Variants in ITGAE observed in about 807,000 individuals in gnomAD.
ITGAE encodes the protein integrin subunit alpha E.
ITGAE carries 99 observed loss-of-function variants against 136.5 expected under a neutral mutation model. That is an observed-to-expected ratio of 0.73 (90% CI 0.62 to 0.86). The LOEUF is 0.86. Among genes scored for constraint, ITGAE ranks in the 40% least tolerant of loss-of-function variants. ITGAE has a pLI of 0.00. For missense variants in ITGAE, 1,447 were observed against 1,515.3 expected (o/e 0.95, Z 0.75); for synonymous variants, 613 against 591.8 (o/e 1.04, Z -0.52).
At chr17:3,720,267 AT>A in intron 29 of ITGAE, 39 bp downstream of exon 29, 1 of 977,718 alleles carries the variant, frequency 1.0e-6, no homozygotes, top group Non-Finnish European at 1.7e-6. Flanking sequence ...GTTAGGCACA[AT>A]TTTCCTTGGG....
chr17:3,748,659 G>A (rs1017683371), intron 16 of ITGAE, among the ~76,000 whole-genome samples: 7 of 152,198 alleles, frequency 4.6e-5, no homozygotes, highest in Non-Finnish European at 1.0e-4. Context: ...TGGCGTGGCT[G>A]ATGAGGAGGC....
At position 3,747,939 on chromosome 17, in the gene ITGAE, G is replaced by A. The variant is rs2143017582; in HGVS notation, c.2138C>T (p.Thr713Ile). ...VRLCFEISSV[T>I]TASESGLREA... ...TTTTTTACCTGACTCAGAGGCTGTG[G>A]TTACAGAGCTGATTTCAAAACATAA... The change falls in exon 17 of 31, where the codon ACC becomes ATC. Residue 713 changes from threonine (T) to isoleucine (I), a missense_variant. Transcript: ENST00000263087. 1.2e-6 allele frequency: 2 copies of A among 1,609,778 alleles called. No individual in the cohort carries two copies. Among genetic ancestry groups the A allele is most frequent in the East Asian group, 4.5e-5 (2 of 44,614 alleles).
At chr17:3,762,032 G>C in intron 3 of ITGAE, 50 bp from the exon 4 acceptor site, 4 of 1,536,310 alleles carry the variant, frequency 2.6e-6, no homozygotes, top group Non-Finnish European at 3.6e-6. Flanking sequence ...CTGGGAGGCA[G>C]AGACCCGAAG....
chr17:3,801,018 A>T, intron 1 of ITGAE, 93 bp downstream of exon 1: 1 of 1,436,010 alleles, frequency 7.0e-7, no homozygotes, highest in Admixed American at 1.7e-5. Flanking sequence ...ACTGAGCCCC[A>T]TCAGAGACAG....
At chr17:3,780,650 C>T (rs537586611) in intron 1 of ITGAE, among the ~76,000 whole-genome samples, 1 of 152,110 alleles carries the variant, frequency 6.6e-6, no homozygotes, top group South Asian at 2.1e-4. Context: ...TTAAGCTGGT[C>T]TCGAACTCCC....
intron 3 of ITGAE, among the ~76,000 whole-genome samples, chr17:3,763,476 C>A (rs1446443806): frequency 6.6e-6 from 1 of 152,154 alleles, no homozygotes; most frequent in African/African-American, 2.4e-5. Context: ...AGTTTCGAAT[C>A]AGCCACCAAC....
chr17:3,725,047 AC>A, intron 26 of ITGAE: 1 of 1,614,248 alleles, frequency 6.2e-7, no homozygotes. Context: ...CCCACCCAGG[AC>A]CTGACTCCTT....
intron 24 of ITGAE, 161 bp downstream of exon 24, chr17:3,729,317 A>T: frequency 1.6e-6 from 1 of 620,298 alleles, no homozygotes; most frequent in Non-Finnish European, 3.0e-6. Flanking sequence ...AAATGTTAGC[A>T]CCCTAGAGAT....
chr17:3,720,231 CAG>C (rs2051021185), intron 29 of ITGAE, 74 bp downstream of exon 29: 1 of 720,694 alleles, frequency 1.4e-6, no homozygotes, highest in Admixed American at 2.1e-5. Flanking sequence ...AAGAGGGCAA[CAG>C]AATGTCTGTG....
In ITGAE at chr17:3,795,189, G is replaced by A. The variant is rs1567564155; in HGVS notation, c.34+5922C>T. On this transcript the variant is annotated intron_variant, in intron 1 of 30. Transcript: ENST00000263087. ...GAGCCCCCTCAGCATCCTGTGGTCT[G>A]TCTGGCTGTGACCAAATTCTGTCTG... Among the ~76,000 whole-genome samples the A allele has an allele frequency of 1.3e-5, 2 of 152,158 alleles. 1 individual carries two copies. The highest frequency in any genetic ancestry group is 1.3e-4 in the Admixed American group (2 of 15,276).
intron 26 of ITGAE, chr17:3,725,844 G>C (rs2051197241): frequency 6.2e-7 from 1 of 1,611,616 alleles, no homozygotes. Flanking sequence ...AGCCTCCCTC[G>C]CAGTGGCAGA....
At chr17:3,723,968 GC>G in intron 26 of ITGAE, 1 of 1,574,462 alleles carries the variant, frequency 6.4e-7, no homozygotes, top group Non-Finnish European at 8.6e-7. Flanking sequence ...CTGGGAGCCG[GC>G]TTTTCCGCAC....
At chr17:3,789,238 CTG>C (rs2052877870) in intron 1 of ITGAE, among the ~76,000 whole-genome samples, 1 of 151,942 alleles carries the variant, frequency 6.6e-6, no homozygotes, top group South Asian at 2.1e-4. Flanking sequence ...CAAAGCAAGA[CTG>C]TCTCCAAAAA....
At chr17:3,731,937 G>A (rs1485608354) in intron 22 of ITGAE, among the ~76,000 whole-genome samples, 2 of 152,000 alleles carry the variant, frequency 1.3e-5, no homozygotes, top group Middle Eastern at 3.2e-3. Flanking sequence ...TTAGCCGGGT[G>A]TAGTGCTGCA....
At chr17:3,731,903 T>G (rs1043372967) in intron 22 of ITGAE, among the ~76,000 whole-genome samples, 2 of 151,650 alleles carry the variant, frequency 1.3e-5, no homozygotes, top group Non-Finnish European at 2.9e-5. Context: ...TGAAACCCCA[T>G]CTCTACCAAA....
intron 20 of ITGAE, 119 bp downstream of exon 20, chr17:3,739,686 C>A: frequency 1.2e-6 from 1 of 819,576 alleles, no homozygotes. Flanking sequence ...GTGCAGAAGC[C>A]ATTTGTGGGC....
intron 28 of ITGAE, chr17:3,721,533 C>CT (rs1168342549): frequency 6.6e-6 from 1 of 152,362 alleles, no homozygotes; most frequent in Non-Finnish European, 1.5e-5. Flanking sequence ...CCGCCTCAGC[C>CT]TCCCAAAGTG....
chr17:3,778,054 C>G (rs917460813), intron 1 of ITGAE, among the ~76,000 whole-genome samples: 1 of 152,026 alleles, frequency 6.6e-6, no homozygotes, highest in Non-Finnish European at 1.5e-5. Flanking sequence ...CTATGTACCC[C>G]CTTCAAGCGA....
intron 3 of ITGAE, among the ~76,000 whole-genome samples, chr17:3,762,892 C>T (rs2143128739): frequency 6.6e-6 from 1 of 150,478 alleles, no homozygotes; most frequent in East Asian, 2.0e-4. Context: ...AGCCACCGTG[C>T]CTGGCAGGAT....
Sources: allele counts gnomAD v4.1 joint callset (sites outside exome capture counted in the v4.1 genomes callset), GRCh38; gene constraint gnomAD v4.1.1; transcripts MANE v1.5; gene names NCBI Gene and HGNC (gene_info 2026-07-23, HGNC 2026-07-21).